The following SLC1A6 variants were observed in gnomAD, a reference collection of about 807,000 sequenced individuals.
SLC1A6 encodes solute carrier family 1 member 6.
SLC1A6 carries 15 observed loss-of-function variants against 42.1 expected under a neutral mutation model. The ratio of observed to expected loss-of-function variants is 0.36; its 90% CI spans 0.24 to 0.55. SLC1A6 has a LOEUF of 0.55. Among genes scored for constraint, SLC1A6 ranks in the 20% least tolerant of loss-of-function variants. SLC1A6 has a pLI of 0.88. For synonymous variants in SLC1A6, 317 were observed against 319.7 expected (o/e 0.99, Z 0.09); for missense variants, 542 against 772.5 (o/e 0.70, Z 3.54).
At chr19:14,985,702 G>A (rs781326061) in intron 1 of SLC1A6, among the ~76,000 whole-genome samples, 3 of 152,200 alleles carry the variant, frequency 2.0e-5, no homozygotes, top group Admixed American at 6.5e-5. Context: ...CTTGGCTCAC[G>A]CCTATAATCC....
intron 1 of SLC1A6, among the ~76,000 whole-genome samples, chr19:15,000,385 T>C (rs1249040140): frequency 6.6e-6 from 1 of 152,190 alleles, no homozygotes; most frequent in Non-Finnish European, 1.5e-5. Flanking sequence ...CCCCCAATCC[T>C]AGCCTCTGGC....
At chr19:14,964,713 C>T (rs1241750647) in intron 4 of SLC1A6, among the ~76,000 whole-genome samples, 2 of 152,174 alleles carry the variant, frequency 1.3e-5, no homozygotes, top group Non-Finnish European at 2.9e-5. Context: ...TTAATTCAAA[C>T]ACACATGTGT....
intron 7 of SLC1A6, among the ~76,000 whole-genome samples, chr19:14,955,433 C>A (rs1299026175): frequency 0.013 from 1,909 of 146,330 alleles, 7 homozygotes; most frequent in Non-Finnish European, 0.019. Flanking sequence ...ACAACAACAA[C>A]AACAAAAAAA....
intron 1 of SLC1A6, among the ~76,000 whole-genome samples, chr19:15,003,548 T>C (rs1025464374): frequency 1.3e-5 from 2 of 151,112 alleles, no homozygotes; most frequent in African/African-American, 4.9e-5. Context: ...GAGGGGCACC[T>C]ACTAAAAGTA....
intron 1 of SLC1A6, among the ~76,000 whole-genome samples, chr19:14,993,278 G>A (rs966721161): frequency 5.3e-5 from 8 of 151,994 alleles, no homozygotes; most frequent in Admixed American, 4.6e-4. Flanking sequence ...GCCCAGGGCT[G>A]GAGTCGGGGG....
At chr19:14,995,819 T>G (rs1291457290) in intron 1 of SLC1A6, among the ~76,000 whole-genome samples, 2 of 152,124 alleles carry the variant, frequency 1.3e-5, no homozygotes, top group Non-Finnish European at 2.9e-5. Context: ...AGAAGTGTCC[T>G]CAGTTGACCT....
intron 1 of SLC1A6, among the ~76,000 whole-genome samples, chr19:14,991,789 C>G (rs912852073): frequency 2.0e-5 from 3 of 151,272 alleles, no homozygotes; most frequent in African/African-American, 7.3e-5. Context: ...AATAGATCAA[C>G]ATGTTAAATC....
At chr19:14,962,644 C>G (rs1027433308) in intron 5 of SLC1A6, among the ~76,000 whole-genome samples, 2 of 152,184 alleles carry the variant, frequency 1.3e-5, no homozygotes, top group African/African-American at 4.8e-5. Context: ...ATGGCTCACG[C>G]CTGTAATCCC....
chr19:14,966,246 G>A (rs564754045), intron 4 of SLC1A6, among the ~76,000 whole-genome samples: 2 of 152,152 alleles, frequency 1.3e-5, no homozygotes, highest in African/African-American at 2.4e-5. Flanking sequence ...AATCTCAGCA[G>A]TTTAAGAGGC....
At chr19:14,958,430 A>G (rs2045481770) in intron 6 of SLC1A6, among the ~76,000 whole-genome samples, 1 of 151,902 alleles carries the variant, frequency 6.6e-6, no homozygotes, top group Non-Finnish European at 1.5e-5. Context: ...AAAAAATTTG[A>G]AATCTACTTT....
Position 14,972,856 on chromosome 19 carries a change from G to A in SLC1A6, c.55C>T (p.Arg19Trp), listed in dbSNP as rs774062575. 1.2e-6 allele frequency: 2 copies of A among 1,603,472 alleles called. No individual in the cohort carries two copies. The highest frequency in any genetic ancestry group is 2.2e-5 in the South Asian group (2 of 89,954). The change falls in exon 2 of 10, where the codon CGG becomes TGG. Residue 19 changes from arginine to tryptophan, a missense_variant. By Grantham distance (101) the Arg-to-Trp change is moderately radical. Around this residue, in one of 6 missense-constraint regions of SLC1A6, gnomAD observed 88 missense variants for 85.5 expected, o/e 1.03. Coordinates refer to ENST00000594383, the MANE Select transcript of SLC1A6 (RefSeq NM_005071.3). ...FLRESGQRLG[R>W]VGWLQRLQES... ...TGCAGCCGCTGCAGCCAGCCCACCC[G>A]GCCCAGCCGCTGGCCGCTCTCCCGC...
chr19:14,970,236 A>T (rs1015752525), intron 3 of SLC1A6, among the ~76,000 whole-genome samples: 1 of 151,664 alleles, frequency 6.6e-6, no homozygotes, highest in Non-Finnish European at 1.5e-5. Context: ...TATCCTGCTG[A>T]TTTTTTTTAT....
chr19:14,960,411 G>C (rs2045499008), intron 6 of SLC1A6, among the ~76,000 whole-genome samples: 1 of 152,238 alleles, frequency 6.6e-6, no homozygotes, highest in South Asian at 2.1e-4. Context: ...ATGAATACAT[G>C]AGTGAGTTAA....
At chr19:14,966,644 G>A (rs1319882195) in intron 4 of SLC1A6, among the ~76,000 whole-genome samples, 1 of 152,140 alleles carries the variant, frequency 6.6e-6, no homozygotes, top group Non-Finnish European at 1.5e-5. Flanking sequence ...ATCAGTGATA[G>A]ACTGGATAAA....
At chr19:15,008,531 C>T (rs117356630) in intron 1 of SLC1A6, among the ~76,000 whole-genome samples, 4,397 of 152,164 alleles carry the variant, frequency 0.029, 103 homozygotes, top group Non-Finnish European at 0.044. Context: ...TAGAACTGCC[C>T]TTTGATCCAG....
At chr19:15,003,452 G>A (rs1034442915) in intron 1 of SLC1A6, among the ~76,000 whole-genome samples, 3 of 151,986 alleles carry the variant, frequency 2.0e-5, no homozygotes, top group Non-Finnish European at 4.4e-5. Context: ...CCAGAAAAGC[G>A]ACCTCATTTC....
intron 1 of SLC1A6, chr19:14,973,138 GGGT>G (rs2045664738): frequency 1.8e-6 from 1 of 545,032 alleles, no homozygotes; most frequent in African/African-American, 1.9e-5. Context: ...GGGCAGCTAG[GGGT>G]GGTAGTCCTA....
intron 6 of SLC1A6, among the ~76,000 whole-genome samples, chr19:14,958,286 C>G (rs149340878): frequency 0.013 from 1,913 of 152,056 alleles, 40 homozygotes; most frequent in African/African-American, 0.043. Flanking sequence ...TAGTGCACAC[C>G]TGTAGTCCCA....
At chr19:15,003,800 A>G (rs1382762341) in intron 1 of SLC1A6, among the ~76,000 whole-genome samples, 2 of 152,198 alleles carry the variant, frequency 1.3e-5, no homozygotes, top group Non-Finnish European at 2.9e-5. Flanking sequence ...ATCAGTATAT[A>G]GAACAGGTGG....
Sources: allele counts gnomAD v4.1 joint callset (sites outside exome capture counted in the v4.1 genomes callset), GRCh38; gene constraint gnomAD v4.1.1; regional missense constraint gnomAD v4.1.1; transcripts MANE v1.5; gene names NCBI Gene and HGNC (gene_info 2026-07-23, HGNC 2026-07-21).